The following CASK variants were observed in gnomAD, a reference collection of about 807,000 sequenced individuals.
CASK encodes the protein calcium/calmodulin dependent serine protein kinase, also known as peripheral plasma membrane protein CASK.
A neutral mutation model predicts 82.9 loss-of-function variants in CASK; 4 were observed. That is an observed-to-expected ratio of 0.05 (90% CI 0.02 to 0.11). The LOEUF is 0.11. Among genes scored for constraint, CASK ranks in the 10% least tolerant of loss-of-function variants. CASK has a pLI of 1.00. For synonymous variants in CASK, 259 were observed against 253.5 expected (o/e 1.02, Z -0.20); for missense variants, 358 against 720.9 (o/e 0.50, Z 5.76).
At chrX:41,736,684 G>C (rs967021117) in intron 5 of CASK, among the ~76,000 whole-genome samples, 2 of 111,752 alleles carry the variant, frequency 1.8e-5, no homozygotes, top group African/African-American at 6.5e-5. Context: ...ATGTTTCTAC[G>C]TGCTTCCTCT....
chrX:41,580,609 T>C (rs2147207389), intron 14 of CASK, among the ~76,000 whole-genome samples: 1 of 111,980 alleles, frequency 8.9e-6, no homozygotes, highest in African/African-American at 3.2e-5. Flanking sequence ...AAGGTCATAC[T>C]CGATATTAAC....
intron 14 of CASK, among the ~76,000 whole-genome samples, chrX:41,581,741 T>C (rs1385374463): frequency 1.0e-5 from 1 of 97,376 alleles, no homozygotes; most frequent in Non-Finnish European, 2.0e-5. Context: ...TTTAATATAG[T>C]ATATATATAT....
rs1439283421 is a variant in CASK at position 41,685,891 on chromosome X, C to T, written c.430-14361G>A. Among the ~76,000 whole-genome samples the T allele has an allele frequency of 5.1e-4, 57 of 111,270 alleles. 2 individuals are homozygous for T. The highest frequency in any genetic ancestry group is 1.9e-5 in the Non-Finnish European group (1 of 53,088). Reference sequence around the variant, plus strand: ...TTCTCAGTGAAATAAAAAGTGATCACCAGGTGGGAGTGAGGAAGGAGAGGG... The same window carrying T: ...TTCTCAGTGAAATAAAAAGTGATCATCAGGTGGGAGTGAGGAAGGAGAGGG... On this transcript the variant is annotated intron_variant, in intron 5 of 26. Transcript: ENST00000378163.
chrX:41,725,841 G>T (rs186041926), intron 5 of CASK, among the ~76,000 whole-genome samples: 133 of 111,986 alleles, frequency 1.2e-3, no homozygotes, highest in African/African-American at 4.1e-3. Context: ...AACAAGCATA[G>T]CAGCTACAGT....
intron 3 of CASK, among the ~76,000 whole-genome samples, chrX:41,779,185 C>T (rs2069422398): frequency 8.9e-6 from 1 of 111,951 alleles, no homozygotes; most frequent in African/African-American, 3.2e-5. Context: ...AGGCTGAACA[C>T]CTGCTTTCTT....
At chrX:41,841,531 T>TG (rs2147947743) in intron 2 of CASK, among the ~76,000 whole-genome samples, 1 of 97,769 alleles carries the variant, frequency 1.0e-5, no homozygotes, top group East Asian at 3.1e-4. Context: ...TTTTTTTGGG[T>TG]GGGGGGGACA....
At chrX:41,737,212 A>G (rs955355119) in intron 5 of CASK, among the ~76,000 whole-genome samples, 1 of 111,697 alleles carries the variant, frequency 9.0e-6, no homozygotes, top group African/African-American at 3.3e-5. Flanking sequence ...GAGACCGCAA[A>G]GAGCGCCCAG....
intron 3 of CASK, among the ~76,000 whole-genome samples, chrX:41,778,270 GC>G (rs906866169): frequency 3.8e-5 from 4 of 106,210 alleles, no homozygotes; most frequent in Admixed American, 3.0e-4. Context: ...CGCTCTTGTT[GC>G]CCAGGCTGGA....
intron 1 of CASK, among the ~76,000 whole-genome samples, chrX:41,890,892 CT>C (rs35528568): frequency 0.17 from 16,211 of 96,544 alleles, 1,248 homozygotes; most frequent in Middle Eastern, 0.28. Context: ...ACTATAATTT[CT>C]TTTTTTTTTT....
intron 1 of CASK, among the ~76,000 whole-genome samples, chrX:41,865,544 T>G (rs751479911): frequency 4.5e-5 from 5 of 112,019 alleles, no homozygotes; most frequent in Admixed American, 9.4e-5. Flanking sequence ...CAACTGGGTA[T>G]TGGCATCAGT....
intron 2 of CASK, among the ~76,000 whole-genome samples, chrX:41,794,796 T>C (rs1319381908): frequency 8.9e-6 from 1 of 112,506 alleles, no homozygotes; most frequent in Non-Finnish European, 1.9e-5. Flanking sequence ...AACTAATATG[T>C]CAAAGAAAAA....
In CASK at chrX:41,515,933, AAGG is replaced by A. The variant is rs1397525068; in HGVS notation, c.*4484_*4486del. On this transcript the variant is annotated 3_prime_UTR_variant, in exon 27 of 27. Coordinates refer to ENST00000378163, the MANE Select transcript of CASK (RefSeq NM_001367721.1). ...AGATGGAGTTGTGCTTGGGGCCAGA[AAGG>A]AGGTCTCCTGTGTGGTGACAAACAT... The A allele has an allele frequency of 8.9e-6, 1 of 112,444 alleles. No homozygotes were observed. Among genetic ancestry groups the A allele is most frequent in the African/African-American group, 3.2e-5 (1 of 30,948 alleles). The allele number at this position is 112,444 out of a possible 1,213,427, so 9.3% of individuals were successfully genotyped here.
intron 5 of CASK, among the ~76,000 whole-genome samples, chrX:41,723,947 A>C (rs1165454907): frequency 8.9e-6 from 1 of 111,960 alleles, no homozygotes; most frequent in Non-Finnish European, 1.9e-5. Flanking sequence ...TGTGAACTTA[A>C]CTTCAGTCAA....
intron 24 of CASK, among the ~76,000 whole-genome samples, chrX:41,533,120 C>T (rs1193870064): frequency 1.8e-5 from 2 of 111,787 alleles, no homozygotes; most frequent in East Asian, 2.8e-4. Flanking sequence ...CAAGAACTTA[C>T]ATAACATATT....
At chrX:41,857,710 C>T (rs2071398043) in intron 1 of CASK, among the ~76,000 whole-genome samples, 4 of 111,925 alleles carry the variant, frequency 3.6e-5, no homozygotes, top group African/African-American at 1.3e-4. Flanking sequence ...AAGAAAACTT[C>T]CCAGAATTTA....
chrX:41,829,606 G>GT (rs202150344), intron 2 of CASK, among the ~76,000 whole-genome samples: 3 of 15,128 alleles, frequency 2.0e-4, no homozygotes, highest in African/African-American at 2.5e-4. Context: ...ACATGTTTTT[G>GT]TTTTTTTTTT....
chrX:41,879,195 T>C (rs1190491777), intron 1 of CASK, among the ~76,000 whole-genome samples: 3 of 110,980 alleles, frequency 2.7e-5, no homozygotes, highest in Non-Finnish European at 5.7e-5. Context: ...CAATCTGTTA[T>C]TACACTAAAC....
chrX:41,551,914 T>C lies in CASK; in HGVS notation c.2039+1805A>G, dbSNP rs574137476. Among the ~76,000 whole-genome samples the C allele has an allele frequency of 3.0e-5, 3 of 101,322 alleles. No homozygotes were observed. The South Asian group carries it at 1.4e-3, about 46-fold the overall frequency. The allele number at this position is 101,322 out of a possible 115,157, so 88.0% of individuals were successfully genotyped here. A position where few individuals can be genotyped will look rare whatever the true frequency, so the allele number is the denominator to read the frequency against. On this transcript the variant is annotated intron_variant, in intron 21 of 26. Transcript: ENST00000378163. ...AAAAAAAAAAAAAAAAATTGGTCAC[T>C]GAGCTCCCCAGTACCTTTTTTTATT...
chrX:41,920,473 C>G (rs2072763349), intron 1 of CASK, among the ~76,000 whole-genome samples: 1 of 111,724 alleles, frequency 9.0e-6, no homozygotes, highest in Non-Finnish European at 1.9e-5. Flanking sequence ...AGCTTGAATT[C>G]ATTATTTCAC....
Sources: gnomAD v4.1 joint callset for allele counts (sites outside exome capture counted in the v4.1 genomes callset) on GRCh38, gnomAD v4.1.1 for gene constraint, MANE v1.5 for transcripts, NCBI Gene and HGNC (gene_info 2026-07-23, HGNC 2026-07-21) for gene names.